Variants in RBM47 observed in about 807,000 individuals in gnomAD.
RBM47 encodes the protein RNA-binding protein 47.
Under a neutral mutation model 47.1 loss-of-function variants are expected in RBM47, and 21 were observed. The observed-to-expected ratio is 0.45, with a 90% CI of 0.32 to 0.64. RBM47 has a LOEUF of 0.64. Among genes scored for constraint, RBM47 ranks in the 30% least tolerant of loss-of-function variants. RBM47 has a pLI of 0.05. For missense variants in RBM47, 708 were observed against 870.9 expected (o/e 0.81, Z 2.35); for synonymous variants, 375 against 361.7 (o/e 1.04, Z -0.42).
chr4:40,535,371 C>CTTTTTTTTTTTTTTTTTTTTTTTTTTTT (rs1177127352), intron 2 of RBM47, among the ~76,000 whole-genome samples: 4 of 103,432 alleles, frequency 3.9e-5, no homozygotes, highest in East Asian at 3.1e-4. Flanking sequence ...TATGGTATTT[C>CTTTTTTTTTTTTTTTTTTTTTTTTTTTT]TTTTTTTTTT....
intron 1 of RBM47, among the ~76,000 whole-genome samples, chr4:40,572,795 A>G (rs943853477): frequency 2.6e-5 from 4 of 151,848 alleles, no homozygotes; most frequent in African/African-American, 9.7e-5. Context: ...GCATTCTTCA[A>G]TTTTCCTGTG....
chr4:40,481,448 T>C (rs1289736554), intron 2 of RBM47, among the ~76,000 whole-genome samples: 1 of 77,090 alleles, frequency 1.3e-5, no homozygotes, highest in East Asian at 3.5e-4. Context: ...AATTTTTGTA[T>C]TATTATTATT....
rs1166678014 is a variant in RBM47 at position 40,459,433 on chromosome 4, G to A, written c.-32+7144C>T. On this transcript the variant is annotated intron_variant, in intron 3 of 6. Transcript: ENST00000295971. ...TTTTGTGGGAGAGCCGTGCATGGGG[G>A]TGCATGCCTGAAATCCCAGCTACTG... Among the ~76,000 whole-genome samples, 11 of 152,230 alleles carry A rather than the reference G, an allele frequency of 7.2e-5. No individual in the cohort carries two copies. The Middle Eastern group carries it at 0.017, about 235-fold the overall frequency.
At position 40,448,048 on chromosome 4, in the gene RBM47, G is replaced by A. The variant is rs999031629; in HGVS notation, c.-31-9124C>T. 2.6e-5 allele frequency among the ~76,000 whole-genome samples: 4 copies of A among 151,114 alleles called. No homozygotes were observed. The East Asian group carries it at 7.8e-4, about 29-fold the overall frequency. ...ATAAAAAAATAAAAAAACAAAACAA[G>A]TAGCCAGGCATGGTGGCGGGTGCCT... is the stretch of plus-strand genomic sequence containing the variant. On this transcript the variant is annotated intron_variant, in intron 3 of 6. Transcript: ENST00000295971.
At position 40,460,651 on chromosome 4, in the gene RBM47, G is replaced by A. The variant is rs1716972122; in HGVS notation, c.-32+5926C>T. Among the ~76,000 whole-genome samples the A allele has an allele frequency of 2.0e-5, 3 of 152,160 alleles. No individual in the cohort carries two copies. In the South Asian group the frequency reaches 6.2e-4, roughly 32 times the overall value. ...GATTGTGCCACTGCACTCCAGAGAG[G>A]CTGAGGCAGGTGGATCACCTGAGGT... On this transcript the variant is annotated intron_variant, in intron 3 of 6. Transcript: ENST00000295971.
At chr4:40,613,899 CTTTGT>C (rs1736457484) in intron 1 of RBM47, among the ~76,000 whole-genome samples, 1 of 151,670 alleles carries the variant, frequency 6.6e-6, no homozygotes, top group African/African-American at 2.4e-5. Context: ...CTGGATAATT[CTTTGT>C]TTTGAGTGGT....
At chr4:40,437,073 C>CAAAAAAAAAAAAAAAAAAAAAAAAAAAA in intron 4 of RBM47, among the ~76,000 whole-genome samples, 2 of 21,292 alleles carry the variant, frequency 9.4e-5, no homozygotes, top group East Asian at 1.6e-3. Flanking sequence ...GACCCTGTCT[C>CAAAAAAAAAAAAAAAAAAAAAAAAAAAA]AAAAAAAAAA....
At chr4:40,611,970 C>T (rs943343416) in intron 1 of RBM47, among the ~76,000 whole-genome samples, 1 of 152,050 alleles carries the variant, frequency 6.6e-6, no homozygotes, top group African/African-American at 2.4e-5. Context: ...CCACGCAAGA[C>T]TCAGGCCTCT....
intron 2 of RBM47, among the ~76,000 whole-genome samples, chr4:40,477,035 G>A (rs1719715271): frequency 6.6e-6 from 1 of 151,996 alleles, no homozygotes; most frequent in African/African-American, 2.4e-5. Context: ...AGAAGTTCGA[G>A]ACTCGGGCGT....
At chr4:40,504,348 T>C (rs1349689904) in intron 2 of RBM47, among the ~76,000 whole-genome samples, 2 of 150,112 alleles carry the variant, frequency 1.3e-5, no homozygotes, top group African/African-American at 2.5e-5. Context: ...TAGAGTGCAG[T>C]AGTGCAATCT....
At chr4:40,436,691 G>A (rs561817999) in intron 4 of RBM47, 44 bp from the exon 5 acceptor site, 9 of 1,590,028 alleles carry the variant, frequency 5.7e-6, no homozygotes, top group Admixed American at 3.3e-5. Flanking sequence ...CAACAGTGAC[G>A]GTGCTGGAGG....
At chr4:40,623,002 C>A (rs530976603) in intron 1 of RBM47, among the ~76,000 whole-genome samples, 1 of 152,322 alleles carries the variant, frequency 6.6e-6, no homozygotes, top group East Asian at 1.9e-4. Context: ...TCCACCCTTC[C>A]GTGACTAGCT....
intron 2 of RBM47, among the ~76,000 whole-genome samples, chr4:40,527,107 TTG>T (rs1726803904): frequency 1.3e-5 from 2 of 152,032 alleles, no homozygotes; most frequent in Admixed American, 6.6e-5. Flanking sequence ...GTTGTTGGTT[TTG>T]TGTTTGTTTT....
At chr4:40,462,255 A>G (rs1287920540) in intron 3 of RBM47, among the ~76,000 whole-genome samples, 1 of 152,266 alleles carries the variant, frequency 6.6e-6, no homozygotes, top group Non-Finnish European at 1.5e-5. Context: ...TGTCCACAAT[A>G]AAACAGAACT....
intron 1 of RBM47, among the ~76,000 whole-genome samples, chr4:40,591,991 A>G (rs4861060): frequency 0.23 from 34,862 of 152,044 alleles, 4,111 homozygotes; most frequent in Middle Eastern, 0.28. Flanking sequence ...GTAATCTGAG[A>G]GAGCATCACT....
At position 40,574,373 on chromosome 4, in the gene RBM47, C is replaced by A. The variant is rs181482533; in HGVS notation, c.-239-29867G>T. Among the ~76,000 whole-genome samples the A allele has an allele frequency of 1.3e-3, 199 of 152,236 alleles. 2 individuals carry two copies. Among genetic ancestry groups the A allele is most frequent in the African/African-American group, 4.5e-3 (188 of 41,538 alleles). On this transcript the variant is annotated intron_variant, in intron 1 of 6. Transcript: ENST00000295971. ...TGATTCCAGAGAACCTCAGGGGACA[C>A]CCGACTGAGACAAACTGAAAAGTTA...
At chr4:40,598,007 C>T (rs991286368) in intron 1 of RBM47, among the ~76,000 whole-genome samples, 1 of 152,192 alleles carries the variant, frequency 6.6e-6, no homozygotes, top group East Asian at 1.9e-4. Flanking sequence ...CTCCACAAAA[C>T]GGAATCTTTT....
At chr4:40,463,618 G>A (rs1448803909) in intron 3 of RBM47, among the ~76,000 whole-genome samples, 1 of 152,030 alleles carries the variant, frequency 6.6e-6, no homozygotes, top group Admixed American at 6.6e-5. Context: ...GAGAGATTGA[G>A]GTTGGTAAGT....
chr4:40,475,790 T>C (rs1276726820), intron 2 of RBM47: 2 of 152,242 alleles, frequency 1.3e-5, no homozygotes, highest in Admixed American at 1.3e-4. Context: ...AACTCTGTTA[T>C]ACATGGCACA....
Sources: gnomAD v4.1 joint callset for allele counts (sites outside exome capture counted in the v4.1 genomes callset) on GRCh38, gnomAD v4.1.1 for gene constraint, MANE v1.5 for transcripts, NCBI Gene and HGNC (gene_info 2026-07-23, HGNC 2026-07-21) for gene names.